UBAC2: variants seen among roughly 807,000 people sequenced by gnomAD.
The protein encoded by UBAC2 is UBA domain containing 2.
In UBAC2, 26 loss-of-function variants were observed where a neutral mutation model predicts 44.0. The ratio of observed to expected loss-of-function variants is 0.59; its 90% CI spans 0.43 to 0.82. UBAC2 has a LOEUF of 0.82. UBAC2 is among the 40% of genes least tolerant of loss of function. The pLI, the probability that UBAC2 is intolerant of heterozygous loss-of-function variation, is 0.00. For synonymous variants in UBAC2, 155 were observed against 154.3 expected (o/e 1.00, Z -0.04); for missense variants, 329 against 419.4 (o/e 0.78, Z 1.88).
At chr13:99,268,611 C>CAAAAAAAA (rs756827927) in intron 4 of UBAC2, among the ~76,000 whole-genome samples, 2 of 75,736 alleles carry the variant, frequency 2.6e-5, no homozygotes, top group African/African-American at 6.3e-5. Flanking sequence ...GACTCTGTCT[C>CAAAAAAAA]AAAAAAAAAA....
chr13:99,340,510 A>G lies in UBAC2; in HGVS notation c.752A>G (p.Asp251Gly). The G allele has an allele frequency of 6.2e-7, 1 of 1,614,118 alleles. No individual in the cohort carries two copies. Among genetic ancestry groups the G allele is most frequent in the Middle Eastern group, 1.6e-4 (1 of 6,062 alleles). ...AGACAGCAGAGAATGGAGCTGCTGG[A>G]CCGGCAGCTGATGTTCTCTCAGTTT... ...IQRQQRMELL[D>G]RQLMFSQFAQ... The change falls in exon 7 of 9, where the codon GAC (aspartate) becomes GGC (glycine). Residue 251 changes from aspartate to glycine, a missense_variant. Physicochemically the swap from Asp to Gly is moderately conservative, Grantham distance 94. Transcript: ENST00000403766.
chr13:99,223,417 A>G (rs1481080865), intron 1 of UBAC2, among the ~76,000 whole-genome samples: 3 of 151,690 alleles, frequency 2.0e-5, no homozygotes, highest in African/African-American at 4.8e-5. Context: ...CTCAAGAACC[A>G]GCTTTGAGTT....
intron 7 of UBAC2, among the ~76,000 whole-genome samples, chr13:99,342,696 C>T (rs180940675): frequency 2.0e-5 from 3 of 152,268 alleles, no homozygotes; most frequent in East Asian, 1.9e-4. Context: ...GTGGTGGGCA[C>T]GACCTGCAAG....
At chr13:99,270,482 C>T (rs1286890919) in intron 4 of UBAC2, among the ~76,000 whole-genome samples, 1 of 152,154 alleles carries the variant, frequency 6.6e-6, no homozygotes, top group Non-Finnish European at 1.5e-5. Context: ...TTAGCTAATT[C>T]TTGGGCACAG....
intron 4 of UBAC2, among the ~76,000 whole-genome samples, chr13:99,280,127 C>A (rs1406803843): frequency 6.6e-6 from 1 of 152,328 alleles, no homozygotes; most frequent in Middle Eastern, 3.4e-3. Flanking sequence ...CTGCCCCACT[C>A]CCCTAATTTT....
chr13:99,318,977 G>A (rs916976429), intron 6 of UBAC2, among the ~76,000 whole-genome samples: 5 of 151,350 alleles, frequency 3.3e-5, no homozygotes, highest in Non-Finnish European at 7.4e-5. Flanking sequence ...TGAAGAAGTT[G>A]GACTTACTAA....
intron 4 of UBAC2, among the ~76,000 whole-genome samples, chr13:99,265,141 C>T (rs1161462869): frequency 6.6e-6 from 1 of 151,990 alleles, no homozygotes; most frequent in African/African-American, 2.4e-5. Flanking sequence ...AGGTATTTAC[C>T]AGAACTCTCC....
chr13:99,266,222 T>C lies in UBAC2; in HGVS notation c.389+21598T>C, dbSNP rs564805308. On this transcript the variant is annotated intron_variant, in intron 4 of 8. Transcript: ENST00000403766. ...TTCTATATTATATTACATAATACTATATAATATGTAGCTTTATATAATAGA... is the reference window on the plus strand; with the variant it reads ...TTCTATATTATATTACATAATACTACATAATATGTAGCTTTATATAATAGA... Among the ~76,000 whole-genome samples the C allele has an allele frequency of 2.3e-3, 347 of 151,902 alleles. 3 individuals carry two copies. The highest frequency in any genetic ancestry group is 9.1e-3 in the South Asian group (44 of 4,830).
chr13:99,224,733 A>G (rs1297024182), intron 1 of UBAC2, among the ~76,000 whole-genome samples: 3 of 152,250 alleles, frequency 2.0e-5, no homozygotes, highest in Admixed American at 2.0e-4. Context: ...TCAGTACCAT[A>G]TGATTTTTAA....
At chr13:99,325,179 C>A (rs796476053) in intron 6 of UBAC2, among the ~76,000 whole-genome samples, 1 of 149,806 alleles carries the variant, frequency 6.7e-6, no homozygotes, top group Non-Finnish European at 1.5e-5. Flanking sequence ...CTTGGTTCAC[C>A]GCAAGCTCCA....
chr13:99,344,056 G>A (rs2044934883), intron 7 of UBAC2, among the ~76,000 whole-genome samples: 1 of 152,186 alleles, frequency 6.6e-6, no homozygotes, highest in Non-Finnish European at 1.5e-5. Context: ...GAATTAGCAT[G>A]TTTCACTCTT....
intron 1 of UBAC2, 142 bp downstream of exon 1, chr13:99,201,081 G>C: frequency 1.5e-6 from 2 of 1,340,794 alleles, no homozygotes; most frequent in Non-Finnish European, 1.9e-6. Flanking sequence ...AACCCTGCTA[G>C]TTCCCGGTCT....
At chr13:99,345,930 A>G (rs914421212) in intron 7 of UBAC2, among the ~76,000 whole-genome samples, 2 of 151,718 alleles carry the variant, frequency 1.3e-5, no homozygotes, top group African/African-American at 4.8e-5. Context: ...TTTAGTAAAG[A>G]CGGGGTTTCA....
chr13:99,246,519 G>C (rs1012508705), intron 4 of UBAC2, among the ~76,000 whole-genome samples: 1 of 152,192 alleles, frequency 6.6e-6, no homozygotes, highest in Admixed American at 6.5e-5. Flanking sequence ...GTGTGTCTGT[G>C]TTAGAATGAA....
In UBAC2 at chr13:99,385,360, G is replaced by A. The variant is rs561970634; in HGVS notation, c.*25G>A. ...ATAGTCCCAGGCCAACACTGGGACCGGACCGGCAGCCGAGTGACAGTGCGT... is the reference window on the plus strand; with the variant it reads ...ATAGTCCCAGGCCAACACTGGGACCAGACCGGCAGCCGAGTGACAGTGCGT... On this transcript the variant is annotated 3_prime_UTR_variant, in exon 9 of 9. Transcript: ENST00000403766. 36 of 1,585,070 alleles carry A rather than the reference G, an allele frequency of 2.3e-5. 1 individual carries two copies. Among genetic ancestry groups the A allele is most frequent in the South Asian group, 9.9e-5 (9 of 90,496 alleles).
At chr13:99,243,732 G>A (rs1219471506) in intron 2 of UBAC2, 100 bp from the exon 3 acceptor site, 25 of 1,037,602 alleles carry the variant, frequency 2.4e-5, no homozygotes, top group Non-Finnish European at 3.5e-5. Context: ...TTTTGTTTAG[G>A]ACATTAAAAA....
intron 6 of UBAC2, among the ~76,000 whole-genome samples, chr13:99,332,958 G>A: frequency 6.6e-6 from 1 of 152,038 alleles, no homozygotes; most frequent in East Asian, 1.9e-4. Flanking sequence ...TGTAAAAAAG[G>A]TTTATGAGAT....
At chr13:99,332,194 A>G (rs2044725286) in intron 6 of UBAC2, among the ~76,000 whole-genome samples, 2 of 152,006 alleles carry the variant, frequency 1.3e-5, no homozygotes, top group African/African-American at 4.8e-5. Context: ...AAAGCAATCG[A>G]CACCTGTGTG....
chr13:99,234,996 G>A (rs2043217738), intron 1 of UBAC2, among the ~76,000 whole-genome samples: 2 of 152,188 alleles, frequency 1.3e-5, no homozygotes, highest in African/African-American at 4.8e-5. Context: ...ACCCTCAGTA[G>A]TATAATTCTG....
Sources: allele counts gnomAD v4.1 joint callset (sites outside exome capture counted in the v4.1 genomes callset), GRCh38; gene constraint gnomAD v4.1.1; transcripts MANE v1.5; gene names NCBI Gene and HGNC (gene_info 2026-07-23, HGNC 2026-07-21).